CNTLN: variants seen among roughly 807,000 people sequenced by gnomAD.
CNTLN encodes the protein centlein, also known as centlein, centrosomal protein.
CNTLN carries 212 observed loss-of-function variants against 180.0 expected under a neutral mutation model. The observed-to-expected ratio is 1.18, with a 90% CI of 1.05 to 1.32. CNTLN has a LOEUF of 1.32. Ranked by LOEUF, CNTLN falls within the 40% of genes most tolerant of loss-of-function variation. The probability of loss-of-function intolerance (pLI) is 0.00; values close to 1 mark genes in which losing one functional copy is unlikely to be tolerated. For missense variants in CNTLN, 2,095 were observed against 1,610.9 expected (o/e 1.30, Z -5.14); for synonymous variants, 722 against 563.1 (o/e 1.28, Z -3.99).
rs572515403 is a variant in CNTLN at position 17,179,334 on chromosome 9, C to A, written c.449+35958C>A. On this transcript the variant is annotated intron_variant, in intron 2 of 25. Coordinates refer to ENST00000380647, the MANE Select transcript of CNTLN (RefSeq NM_017738.4). ...GTACACCTTTAATTTTATAAATTTT[C>A]CTCTCAGCTGCTTTAACTTCATCCC... 3.3e-5 allele frequency among the ~76,000 whole-genome samples: 5 copies of A among 150,322 alleles called. No homozygotes were observed. The South Asian group carries it at 1.1e-3, about 32-fold the overall frequency.
chr9:17,292,771 T>C (rs1292786758), intron 6 of CNTLN, among the ~76,000 whole-genome samples: 1 of 152,168 alleles, frequency 6.6e-6, no homozygotes, highest in African/African-American at 2.4e-5. Context: ...GCTAAGTTCA[T>C]TGTTACCCAC....
At chr9:17,143,062 T>A (rs1438076934) in intron 1 of CNTLN, among the ~76,000 whole-genome samples, 1 of 152,232 alleles carries the variant, frequency 6.6e-6, no homozygotes, top group Non-Finnish European at 1.5e-5. Context: ...ATTTCAACAG[T>A]TGCATCCCAA....
intron 8 of CNTLN, among the ~76,000 whole-genome samples, chr9:17,320,281 A>G (rs1819815625): frequency 6.6e-6 from 1 of 152,008 alleles, no homozygotes; most frequent in African/African-American, 2.4e-5. Context: ...TATAATTTTT[A>G]TTACAAAATA....
chr9:17,412,879 G>A (rs1429553053), intron 16 of CNTLN, among the ~76,000 whole-genome samples: 1 of 152,080 alleles, frequency 6.6e-6, no homozygotes, highest in African/African-American at 2.4e-5. Flanking sequence ...AAACAAAATA[G>A]ACCTAAAACA....
At chr9:17,507,435 A>G (rs1833952426), downstream of CNTLN, among the ~76,000 whole-genome samples, 1 of 152,144 alleles carries the variant, frequency 6.6e-6, no homozygotes, top group African/African-American at 2.4e-5. Context: ...GCTATTGTGA[A>G]GAATGCTGCT....
chr9:17,263,998 G>A lies in CNTLN; in HGVS notation c.850-9735G>A, dbSNP rs1054433424. 3.4e-5 allele frequency among the ~76,000 whole-genome samples: 5 copies of A among 145,652 alleles called. No homozygotes were observed. In the East Asian group the frequency reaches 6.2e-4, roughly 18 times the overall value. Reference sequence around the variant, plus strand: ...TTTTCTCCCATTTTGTAGGTTGCCTGTTCACTCTGATGATAGTTTCTTTTG... The same window carrying A: ...TTTTCTCCCATTTTGTAGGTTGCCTATTCACTCTGATGATAGTTTCTTTTG... On this transcript the variant is annotated intron_variant, in intron 5 of 25. Transcript: ENST00000380647.
intron 18 of CNTLN, among the ~76,000 whole-genome samples, chr9:17,420,420 T>C (rs1828624453): frequency 6.6e-6 from 1 of 152,338 alleles, no homozygotes; most frequent in African/African-American, 2.4e-5. Context: ...ATCTGCTTTT[T>C]CACCTCTGAT....
chr9:17,463,600 C>G (rs950708263), intron 20 of CNTLN, among the ~76,000 whole-genome samples: 2 of 151,576 alleles, frequency 1.3e-5, no homozygotes, highest in African/African-American at 4.8e-5. Flanking sequence ...ATCTCACAAA[C>G]ACACCTGTAG....
chr9:17,247,491 G>T (rs772787988), intron 5 of CNTLN, among the ~76,000 whole-genome samples: 3 of 152,190 alleles, frequency 2.0e-5, no homozygotes, highest in Non-Finnish European at 4.4e-5. Flanking sequence ...GCACCATGCA[G>T]CTACTGTTGG....
downstream of CNTLN, among the ~76,000 whole-genome samples, chr9:17,507,750 A>G (rs1363376059): frequency 6.6e-6 from 1 of 152,222 alleles, no homozygotes; most frequent in Admixed American, 6.5e-5. Flanking sequence ...ATATTTGATC[A>G]GAAATTTTTT....
chr9:17,342,437 A>G lies in CNTLN; in HGVS notation c.1879A>G (p.Ile627Val), dbSNP rs1406772928. The change falls in exon 12 of 26, where the codon ATT (isoleucine) becomes GTT (valine). Residue 627 changes from isoleucine to valine, a missense_variant. Ile to Val is a conservative substitution (Grantham distance 29). Transcript: ENST00000380647. ...YFKRENQELM[I>V]QKMNLEEELD... Reference sequence around the variant, plus strand: ...CAAAAGGGAAAACCAGGAGCTAATGATTCAAAAGTGAGTTTCATTTTTAAC... The same window carrying G: ...CAAAAGGGAAAACCAGGAGCTAATGGTTCAAAAGTGAGTTTCATTTTTAAC... 6.3e-7 allele frequency: 1 copy of G among 1,595,934 alleles called. No individual in the cohort carries two copies. The highest frequency in any genetic ancestry group is 1.8e-5 in the Admixed American group (1 of 56,038).
intron 18 of CNTLN, among the ~76,000 whole-genome samples, chr9:17,428,737 T>G (rs1829239954): frequency 6.6e-6 from 1 of 152,080 alleles, no homozygotes; most frequent in South Asian, 2.1e-4. Flanking sequence ...ATTCTGGTGT[T>G]CTGACTCTAA....
chr9:17,241,488 G>A (rs149616353), intron 5 of CNTLN, among the ~76,000 whole-genome samples: 2 of 152,256 alleles, frequency 1.3e-5, no homozygotes, highest in East Asian at 3.9e-4. Context: ...GTCAGGTGAT[G>A]TGATTCCTCC....
intron 2 of CNTLN, among the ~76,000 whole-genome samples, chr9:17,220,164 G>T (rs1001877378): frequency 2.0e-5 from 3 of 152,036 alleles, no homozygotes; most frequent in Non-Finnish European, 4.4e-5. Context: ...GATGATGCTC[G>T]TGCTCTGGCA....
chr9:17,213,041 G>C (rs1022234359), intron 2 of CNTLN, among the ~76,000 whole-genome samples: 4 of 151,940 alleles, frequency 2.6e-5, no homozygotes, highest in African/African-American at 4.8e-5. Flanking sequence ...AGTGTTTTTT[G>C]TGTCTCTATC....
intron 18 of CNTLN, among the ~76,000 whole-genome samples, chr9:17,437,003 G>A (rs1416191392): frequency 2.0e-5 from 3 of 152,162 alleles, no homozygotes; most frequent in African/African-American, 7.2e-5. Context: ...TTTTGATTTT[G>A]AGGCTGATGA....
At chr9:17,389,660 T>C (rs1825945883) in intron 14 of CNTLN, among the ~76,000 whole-genome samples, 2 of 152,170 alleles carry the variant, frequency 1.3e-5, no homozygotes, top group Non-Finnish European at 1.5e-5. Context: ...TAAAAGGTTA[T>C]ATATGAAACT....
At chr9:17,323,815 T>C (rs1280828567) in intron 8 of CNTLN, among the ~76,000 whole-genome samples, 1 of 152,202 alleles carries the variant, frequency 6.6e-6, no homozygotes, top group African/African-American at 2.4e-5. Flanking sequence ...ATCATCCTTT[T>C]TCCCAGTAGA....
chr9:17,177,577 C>T (rs1319301475), intron 2 of CNTLN, among the ~76,000 whole-genome samples: 1 of 152,050 alleles, frequency 6.6e-6, no homozygotes, highest in Non-Finnish European at 1.5e-5. Context: ...CGGATATGTT[C>T]GGAGTTTCTT....
Sources: gnomAD v4.1 joint callset for allele counts (sites outside exome capture counted in the v4.1 genomes callset) on GRCh38, gnomAD v4.1.1 for gene constraint, MANE v1.5 for transcripts, NCBI Gene and HGNC (gene_info 2026-07-23, HGNC 2026-07-21) for gene names.